The following DPH6 variants were observed in gnomAD, a reference collection of about 807,000 sequenced individuals.
DPH6 encodes diphthamine biosynthesis 6.
DPH6 carries 33 observed loss-of-function variants against 38.2 expected under a neutral mutation model. The ratio of observed to expected loss-of-function variants is 0.86; its 90% confidence interval spans 0.65 to 1.15. The LOEUF is 1.15. Among genes scored for constraint, DPH6 ranks in the 50% most tolerant of loss-of-function variants. The pLI is 0.00. For missense variants in DPH6, 325 were observed against 320.0 expected, an observed-to-expected ratio of 1.02 and a Z score of -0.12; for synonymous variants, 108 against 103.0, an observed-to-expected ratio of 1.05 and a Z score of -0.30.
chr15:35,175,692 T>C, the DPH6 span, among the ~76,000 whole-genome samples: 1 of 149,220 alleles, frequency 6.7e-6, no homozygotes, highest in Admixed American at 6.7e-5. Flanking sequence ...CTGGGGCTGT[T>C]ATTAAGGTAC....
At chr15:35,245,091 T>G (rs866678918) in intron 3 of DPH6, among the ~76,000 whole-genome samples, 3 of 152,066 alleles carry the variant, frequency 2.0e-5, no homozygotes, top group African/African-American at 7.2e-5. Context: ...ATGAACCACA[T>G]GCCCACTCAG....
chr15:35,321,434 A>G (rs2052239544), intron 3 of DPH6, among the ~76,000 whole-genome samples: 1 of 152,262 alleles, frequency 6.6e-6, no homozygotes, highest in Admixed American at 6.5e-5. Flanking sequence ...TAGTTCAAAA[A>G]CAAGCAAAAC....
chr15:35,165,876 G>A, the DPH6 span, among the ~76,000 whole-genome samples: 8 of 151,882 alleles, frequency 5.3e-5, no homozygotes, highest in African/African-American at 1.4e-4. Flanking sequence ...GAATTGTCTA[G>A]AAATTCTCAG....
intron 3 of DPH6, among the ~76,000 whole-genome samples, chr15:35,248,822 A>G (rs2051653291): frequency 1.3e-5 from 2 of 152,254 alleles, no homozygotes; most frequent in South Asian, 4.1e-4. Context: ...TATAAAATAA[A>G]TAATATATGC....
chr15:35,399,966 G>C (rs887181718), intron 6 of DPH6, among the ~76,000 whole-genome samples: 1 of 152,110 alleles, frequency 6.6e-6, no homozygotes, highest in African/African-American at 2.4e-5. Flanking sequence ...ACAGAAAGAA[G>C]GTAAAGGGAA....
At chr15:35,369,860 C>T (rs978485537), downstream of DPH6, among the ~76,000 whole-genome samples, 5 of 151,528 alleles carry the variant, frequency 3.3e-5, no homozygotes, top group African/African-American at 7.3e-5. Context: ...TTTGTGGATA[C>T]GGAAAAACTG....
chr15:35,192,696 A>C, the DPH6 span, among the ~76,000 whole-genome samples: 1 of 152,208 alleles, frequency 6.6e-6, no homozygotes, highest in Non-Finnish European at 1.5e-5. Context: ...ACGGTGTAAA[A>C]TAAGATATAG....
intron 3 of DPH6, among the ~76,000 whole-genome samples, chr15:35,273,894 GA>G (rs1385571189): frequency 6.6e-6 from 1 of 152,106 alleles, no homozygotes; most frequent in Non-Finnish European, 1.5e-5. Context: ...TGCAGAAGTA[GA>G]AAAAAACTAC....
At chr15:35,470,836 T>A (rs1595392751) in intron 3 of DPH6, among the ~76,000 whole-genome samples, 3 of 152,208 alleles carry the variant, frequency 2.0e-5, no homozygotes, top group South Asian at 2.1e-4. Flanking sequence ...CTAACTGTAC[T>A]TTTTAAAGAA....
At chr15:35,519,637 T>C (rs2054893846) in intron 3 of DPH6, 1 of 152,394 alleles carries the variant, frequency 6.6e-6, no homozygotes, top group African/African-American at 2.4e-5. Flanking sequence ...GTCTCTTGTT[T>C]GAACAAAAAT....
In DPH6 at chr15:35,391,599, C is replaced by T. The variant is rs574802099; in HGVS notation, c.568-9683G>A. Among the ~76,000 whole-genome samples, 282 of 152,310 alleles carry T rather than the reference C, an allele frequency of 1.9e-3. 1 individual carries two copies. Among genetic ancestry groups the T allele is most frequent in the African/African-American group, 6.4e-3 (265 of 41,586 alleles). On this transcript the variant is annotated intron_variant, in intron 6 of 8. Coordinates refer to ENST00000256538, the MANE Select transcript of DPH6 (RefSeq NM_080650.4). ...TGCAGTTTGATCTCAGACTGCTGTG[C>T]TAGCAGTAAGCGAGGCTCCGTGGGC...
chr15:35,424,209 TTAA>T (rs138345997), intron 5 of DPH6, among the ~76,000 whole-genome samples: 2,858 of 151,750 alleles, frequency 0.019, 87 homozygotes, highest in African/African-American at 0.065. Flanking sequence ...TGTATTTCCA[TTAA>T]TGTTTGACTT....
chr15:35,446,969 T>C lies in DPH6; in HGVS notation c.505+3716A>G, dbSNP rs1215364574. On this transcript the variant is annotated intron_variant, in intron 5 of 8. Coordinates refer to ENST00000256538, the MANE Select transcript of DPH6 (RefSeq NM_080650.4). ...TTGCAACCTCTGCCTCCTGGGTTCATGCCATTCTCCTGCCTCAGCCTCCTG... is the reference window on the plus strand; with the variant it reads ...TTGCAACCTCTGCCTCCTGGGTTCACGCCATTCTCCTGCCTCAGCCTCCTG... 2.6e-5 allele frequency among the ~76,000 whole-genome samples: 4 copies of C among 151,748 alleles called. No homozygotes were observed. The South Asian group carries it at 6.3e-4, about 24-fold the overall frequency.
chr15:35,496,567 A>ATATATATATAT lies in DPH6; in HGVS notation c.312+41706_312+41707insATATATATATA, dbSNP rs1555406398. ...GAAAGTTCCATCTCAAAAAAAAAAA[A>ATATATATATAT]ATATATATATATATATATATATATC... On this transcript the variant is annotated intron_variant, in intron 3 of 8. Coordinates refer to ENST00000256538, the MANE Select transcript of DPH6 (RefSeq NM_080650.4). 8.1e-4 allele frequency among the ~76,000 whole-genome samples: 25 copies of ATATATATATAT among 31,010 alleles called. No individual in the cohort carries two copies. The East Asian group carries it at 9.1e-3, about 11-fold the overall frequency. The allele number at this position is 31,010 out of a possible 152,430, so 20.3% of individuals were successfully genotyped here.
downstream of DPH6, among the ~76,000 whole-genome samples, chr15:35,212,448 A>G (rs1482267929): frequency 6.6e-6 from 1 of 152,142 alleles, no homozygotes; most frequent in East Asian, 1.9e-4. Context: ...GGCTGATCCA[A>G]TGCTGAGAAT....
chr15:35,427,860 AT>A (rs2053588226), intron 5 of DPH6, among the ~76,000 whole-genome samples: 1 of 151,922 alleles, frequency 6.6e-6, no homozygotes, highest in South Asian at 2.1e-4. Context: ...TTCAGGGACA[AT>A]TTCTCTTTCT....
the DPH6 span, among the ~76,000 whole-genome samples, chr15:35,157,856 T>C: frequency 6.6e-6 from 1 of 151,988 alleles, no homozygotes; most frequent in African/African-American, 2.4e-5. Context: ...AAAGAAAGCC[T>C]AGCTTTTAAA....
chr15:35,177,612 C>A, the DPH6 span, among the ~76,000 whole-genome samples: 13 of 140,706 alleles, frequency 9.2e-5, no homozygotes, highest in South Asian at 2.4e-4. Flanking sequence ...TCATCATCAT[C>A]ATCATCATCA....
intron 3 of DPH6, among the ~76,000 whole-genome samples, chr15:35,325,521 T>C (rs1206466492): frequency 6.6e-6 from 1 of 152,122 alleles, no homozygotes; most frequent in Non-Finnish European, 1.5e-5. Context: ...TGTATGTACA[T>C]GCGGAAAACA....
Sources: gnomAD v4.1 joint callset for allele counts (sites outside exome capture counted in the v4.1 genomes callset) on GRCh38, gnomAD v4.1.1 for gene constraint, MANE v1.5 for transcripts, NCBI Gene and HGNC (gene_info 2026-07-23, HGNC 2026-07-21) for gene names.